PMS2: variants seen among roughly 807,000 people sequenced by gnomAD.
The protein encoded by PMS2 is mismatch repair endonuclease PMS2.
PMS2 carries 69 observed loss-of-function variants against 90.0 expected under a neutral mutation model. The ratio of observed to expected loss-of-function variants is 0.77; its 90% CI spans 0.63 to 0.94. The LOEUF is 0.94. Ranked by LOEUF, PMS2 falls within the 40% of genes least tolerant of loss-of-function variation. The pLI, the probability that PMS2 is intolerant of heterozygous loss-of-function variation, is 0.00. For synonymous variants in PMS2, 332 were observed against 375.1 expected (o/e 0.89, Z 1.33); for missense variants, 966 against 1,040.2 (o/e 0.93, Z 0.98).
intron 2 of PMS2, chr7:6,004,341 G>T: frequency 3.3e-6 from 1 of 302,324 alleles, no homozygotes; most frequent in Non-Finnish European, 6.2e-6. Context: ...ATCTGTAACT[G>T]GTGGTGATCA....
chr7:5,998,796 C>A (rs552244438), intron 6 of PMS2, among the ~76,000 whole-genome samples: 75 of 151,810 alleles, frequency 4.9e-4, no homozygotes, highest in African/African-American at 1.6e-3. Flanking sequence ...TCGAGACCAG[C>A]CTGGCCAACA....
chr7:5,988,156 G>C (rs1783274629), intron 10 of PMS2, among the ~76,000 whole-genome samples: 1 of 151,488 alleles, frequency 6.6e-6, no homozygotes, highest in Non-Finnish European at 1.5e-5. Context: ...ACAAAGATCA[G>C]GATCAAGAGG....
chr7:5,983,664 T>G (rs1235340187), intron 11 of PMS2, among the ~76,000 whole-genome samples: 1 of 151,564 alleles, frequency 6.6e-6, no homozygotes, highest in Non-Finnish European at 1.5e-5. Context: ...TTTTTTTTTC[T>G]TTTAAGACGG....
rs587780060 is a variant in PMS2 at position 6,002,503 on chromosome 7, A to G, written c.487T>C (p.Phe163Leu). Residue 163 changes from phenylalanine to leucine, a missense_variant, in exon 5 of 15, where the codon TTT (phenylalanine) becomes CTT (leucine). Phe to Leu is a conservative substitution (Grantham distance 22). Around this residue, in one of 2 missense-constraint regions of PMS2, gnomAD observed 871 missense variants for 802.4 expected, o/e 1.09. Coordinates refer to ENST00000265849, the MANE Select transcript of PMS2 (RefSeq NM_000535.7). ...TTATGGCGCACAGGTAGTGTGGAAA[A>G]TAACTGCTGCACGCTGACTGTGGTC... ...RGTTVSVQQL[F>L]STLPVRHKEF... 56 of 1,611,786 alleles carry G rather than the reference A, an allele frequency of 3.5e-5. No homozygotes were observed. Among genetic ancestry groups the G allele is most frequent in the Non-Finnish European group, 4.2e-5 (50 of 1,179,706 alleles).
Position 5,999,160 on chromosome 7 carries a change from C to T in PMS2, c.653G>A (p.Gly218Asp), listed in dbSNP as rs368043334. 7 of 1,614,028 alleles carry T rather than the reference C, an allele frequency of 4.3e-6. No homozygotes were observed. In the Admixed American group the frequency reaches 6.7e-5, roughly 15 times the overall value. The change falls in exon 6 of 15, where the codon GGT becomes GAT. Residue 218 changes from glycine (G) to aspartate (D), a missense_variant. Physicochemically the swap from Gly to Asp is moderately conservative, Grantham distance 94. Transcript: ENST00000265849. ...ATTTTCCTTTATGCTGGGGCTTCCA[C>T]CTGTGCATACCACAGGCTGTCGTTT... The part of the protein sequence containing the change: ...QGKRQPVVCT[G>D]GSPSIKENIG...
At chr7:6,006,191 C>T (rs1211187447) in intron 1 of PMS2, 160 bp from the exon 2 acceptor site, 2 of 828,338 alleles carry the variant, frequency 2.4e-6, no homozygotes, top group East Asian at 2.7e-5. Flanking sequence ...GAAATAGAAA[C>T]ACTGTTTTAC....
At chr7:5,999,822 C>T (rs373438537) in intron 5 of PMS2, among the ~76,000 whole-genome samples, 6 of 151,934 alleles carry the variant, frequency 3.9e-5, no homozygotes, top group East Asian at 1.9e-4. Context: ...AAAACTGAAA[C>T]GTACATTGTG....
chr7:5,992,725 C>G (rs1783908480), intron 8 of PMS2, among the ~76,000 whole-genome samples: 1 of 152,124 alleles, frequency 6.6e-6, no homozygotes, highest in South Asian at 2.1e-4. Flanking sequence ...TACACAAACA[C>G]CTGTGAAACT....
At chr7:5,992,312 C>A (rs1163265441) in intron 8 of PMS2, among the ~76,000 whole-genome samples, 1 of 150,412 alleles carries the variant, frequency 6.6e-6, no homozygotes, top group African/African-American at 2.4e-5. Flanking sequence ...GGATTACAGG[C>A]AGGATTTTTT....
chr7:5,990,038 C>T (rs1783565744), intron 9 of PMS2, 83 bp from the exon 10 acceptor site: 4 of 950,716 alleles, frequency 4.2e-6, no homozygotes, highest in East Asian at 2.9e-5. Flanking sequence ...GACAGCGTCT[C>T]ACTCTGTCGC....
intron 8 of PMS2, among the ~76,000 whole-genome samples, chr7:5,993,647 G>C (rs909159513): frequency 1.3e-5 from 2 of 151,332 alleles, no homozygotes; most frequent in African/African-American, 2.4e-5. Context: ...TGGATCACGA[G>C]GTCAGGAGTT....
At chr7:5,983,525 T>C (rs1363088218) in intron 11 of PMS2, among the ~76,000 whole-genome samples, 3 of 151,896 alleles carry the variant, frequency 2.0e-5, no homozygotes, top group Non-Finnish European at 4.4e-5. Flanking sequence ...GACCCTTGTC[T>C]CCATATATAA....
At position 5,989,838 on chromosome 7, in the gene PMS2, T is replaced by A; in HGVS notation, c.1106A>T (p.Lys369Met). Residue 369 changes from lysine (K) to methionine (M), a missense_variant, in exon 10 of 15, where the codon AAG (lysine) becomes ATG (methionine). Coordinates refer to ENST00000265849, the MANE Select transcript of PMS2 (RefSeq NM_000535.7). ...CAGTGGCTGCTGACTGACATTTAGC[T>A]TGTTGACATCACTATCAAACATTCC... is the stretch of plus-strand genomic sequence containing the variant. ...LIGMFDSDVNKLNVSQQPLLD... is the reference protein window; with the variant it reads ...LIGMFDSDVNMLNVSQQPLLD... The A allele has an allele frequency of 6.2e-7, 1 of 1,613,208 alleles. No homozygotes were observed. The highest frequency in any genetic ancestry group is 8.5e-7 in the Non-Finnish European group (1 of 1,179,332).
Position 5,997,310 on chromosome 7 carries a change from C to T in PMS2, c.803+16G>A, listed in dbSNP as rs2128786108. The T allele has an allele frequency of 8.1e-7, 1 of 1,237,280 alleles. No homozygotes were observed. Among genetic ancestry groups the T allele is most frequent in the Non-Finnish European group, 1.2e-6 (1 of 838,028 alleles). The allele number at this position is 1,237,280 out of a possible 1,614,324, so 76.6% of individuals were successfully genotyped here. A position where few individuals can be genotyped will look rare whatever the true frequency, so the allele number is the denominator to read the frequency against. On this transcript the variant is annotated intron_variant, in intron 7 of 14. Coordinates refer to ENST00000265849, the MANE Select transcript of PMS2 (RefSeq NM_000535.7). ...AAAATGTTCAATTGTAGTTCTCTTG[C>T]CAGCAATCTACTTACTAAAAAAGAT...
chr7:5,981,937 T>C (rs1782319378), intron 12 of PMS2, among the ~76,000 whole-genome samples: 1 of 151,942 alleles, frequency 6.6e-6, no homozygotes, highest in African/African-American at 2.4e-5. Flanking sequence ...ATCACTATTA[T>C]GTAAAAAGTA....
rs1060503149 is a variant in PMS2 at position 5,997,417 on chromosome 7, T to C, written c.712A>G (p.Ser238Gly). ...GGCAGCTGAACAAAAGGAATGAGGCTTTGCAACTGAAAAAAAAAAAAAAAA... is the reference window on the plus strand; with the variant it reads ...GGCAGCTGAACAAAAGGAATGAGGCCTTGCAACTGAAAAAAAAAAAAAAAA... ...GSVFGQKQLQ[S>G]LIPFVQLPPS... Residue 238 changes from serine (S) to glycine (G), a missense_variant, in exon 7 of 15, where the codon AGC (serine) becomes GGC (glycine). Around this residue, in one of 2 missense-constraint regions of PMS2, gnomAD observed 871 missense variants for 802.4 expected, o/e 1.09. Transcript: ENST00000265849. 6.5e-7 allele frequency: 1 copy of C among 1,547,764 alleles called. No individual in the cohort carries two copies.
At chr7:6,007,777 A>C (rs1437268933) in intron 1 of PMS2, among the ~76,000 whole-genome samples, 1 of 151,852 alleles carries the variant, frequency 6.6e-6, no homozygotes, top group Admixed American at 6.6e-5. Context: ...ACTGCAGATG[A>C]CCTCACAGAA....
At chr7:6,008,733 CTG>C (rs565469467) in intron 1 of PMS2, among the ~76,000 whole-genome samples, 15,004 of 152,114 alleles carry the variant, frequency 0.099, 777 homozygotes, top group Admixed American at 0.12. Context: ...CAAGGCCTGT[CTG>C]GGACAGGCCG....
At chr7:5,998,418 C>T (rs941308308) in intron 6 of PMS2, among the ~76,000 whole-genome samples, 3 of 147,750 alleles carry the variant, frequency 2.0e-5, no homozygotes, top group Admixed American at 1.3e-4. Flanking sequence ...TTAATCTGGG[C>T]GCAGTGGCTC....
Sources: allele counts gnomAD v4.1 joint callset (sites outside exome capture counted in the v4.1 genomes callset), GRCh38; gene constraint gnomAD v4.1.1; regional missense constraint gnomAD v4.1.1; transcripts MANE v1.5; gene names NCBI Gene and HGNC (gene_info 2026-07-23, HGNC 2026-07-21).